ZNF529: variants seen among roughly 807,000 people sequenced by gnomAD.
ZNF529 encodes the protein zinc finger protein 529.
A neutral mutation model predicts 10.1 loss-of-function variants in ZNF529; 11 were observed. That is an observed-to-expected ratio of 1.09 (90% CI 0.69 to 1.81). ZNF529 has a LOEUF of 1.81. Ranked by LOEUF, ZNF529 falls within the 40% of genes most tolerant of loss-of-function variation. The pLI, the probability that ZNF529 is intolerant of heterozygous loss-of-function variation, is 0.00. For missense variants in ZNF529, 624 were observed against 666.8 expected (o/e 0.94, Z 0.71); for synonymous variants, 204 against 215.7 (o/e 0.95, Z 0.47).
chr19:36,563,469 AAGG>A (rs2035788236), intron 2 of ZNF529, among the ~76,000 whole-genome samples: 1 of 152,224 alleles, frequency 6.6e-6, no homozygotes, highest in African/African-American at 2.4e-5. Context: ...GCAAAGCTGC[AAGG>A]AGATTGAGAG....
chr19:36,592,742 T>C (rs1354508389), intron 1 of ZNF529, among the ~76,000 whole-genome samples: 1 of 152,044 alleles, frequency 6.6e-6, no homozygotes, highest in East Asian at 1.9e-4. Context: ...AGCAGTTGGG[T>C]TGGCTGGGAG....
At chr19:36,586,974 C>T (rs1157914384) in intron 2 of ZNF529, among the ~76,000 whole-genome samples, 1 of 152,092 alleles carries the variant, frequency 6.6e-6, no homozygotes, top group Non-Finnish European at 1.5e-5. Flanking sequence ...ATAATAAAAT[C>T]CCATGAGTGG....
Position 36,554,774 on chromosome 19 carries a change from A to G in ZNF529, c.131T>C (p.Val44Ala). The G allele has an allele frequency of 6.4e-7, 1 of 1,571,414 alleles. No individual in the cohort carries two copies. Among genetic ancestry groups the G allele is most frequent in the Non-Finnish European group, 8.6e-7 (1 of 1,157,410 alleles). Residue 44 changes from valine to alanine, a missense_variant, in exon 4 of 5, where the codon GTG becomes GCG. By Grantham distance (64) the Val-to-Ala change is moderately conservative. Coordinates refer to ENST00000591340, the MANE Select transcript of ZNF529 (RefSeq NM_020951.5). ...MDHELVTLRD[V>A]VINFSQEEWE... is the part of the protein sequence containing the mutation. The stretch of plus-strand genomic sequence containing the variant: ...TTCCTCCTGAGAGAAGTTGATGACC[A>G]CATCCCTGAGTGTCACCAGTTCCTG...
chr19:36,565,405 A>G (rs911015393), intron 2 of ZNF529, among the ~76,000 whole-genome samples: 4 of 152,164 alleles, frequency 2.6e-5, no homozygotes, highest in Non-Finnish European at 5.9e-5. Flanking sequence ...AAAGCCATAT[A>G]CAAAAATGAA....
At chr19:36,557,166 G>A (rs780665805) in intron 2 of ZNF529, among the ~76,000 whole-genome samples, 1 of 152,134 alleles carries the variant, frequency 6.6e-6, no homozygotes, top group Non-Finnish European at 1.5e-5. Context: ...AGCTGGGGGT[G>A]GTCAGGGAGA....
At chr19:36,569,574 A>G (rs1302142644) in intron 2 of ZNF529, among the ~76,000 whole-genome samples, 1 of 152,020 alleles carries the variant, frequency 6.6e-6, no homozygotes, top group Non-Finnish European at 1.5e-5. Flanking sequence ...AGACTAGTCT[A>G]GCCAACATGG....
At chr19:36,554,335 T>C (rs796329974) in intron 4 of ZNF529, among the ~76,000 whole-genome samples, 1 of 152,174 alleles carries the variant, frequency 6.6e-6, no homozygotes, top group Admixed American at 6.5e-5. Context: ...TCCCAGCACT[T>C]TGGGAGGCCA....
At chr19:36,561,610 A>G (rs1180307767) in intron 2 of ZNF529, among the ~76,000 whole-genome samples, 2 of 152,212 alleles carry the variant, frequency 1.3e-5, no homozygotes, top group South Asian at 2.1e-4. Flanking sequence ...CCCCTAGGGC[A>G]TTGTCCAGTG....
chr19:36,593,575 A>C (rs1325012511), intron 1 of ZNF529, among the ~76,000 whole-genome samples: 1 of 152,198 alleles, frequency 6.6e-6, no homozygotes, highest in East Asian at 1.9e-4. Context: ...CTGTTCCGAA[A>C]AAAAAGGGCT....
chr19:36,552,887 A>C (rs543650664), intron 4 of ZNF529, among the ~76,000 whole-genome samples: 2 of 152,316 alleles, frequency 1.3e-5, no homozygotes, highest in Admixed American at 6.5e-5. Flanking sequence ...AAGAGACTAG[A>C]CAGGTAAAGA....
upstream of ZNF529, among the ~76,000 whole-genome samples, chr19:36,576,711 C>T (rs1416862981): frequency 2.0e-5 from 3 of 149,076 alleles, no homozygotes; most frequent in Non-Finnish European, 4.5e-5. Flanking sequence ...AGCAAGACTC[C>T]GTCTCAAAAT....
chr19:36,600,641 G>T (rs142003899), intron 1 of ZNF529, among the ~76,000 whole-genome samples: 7 of 152,080 alleles, frequency 4.6e-5, no homozygotes, highest in African/African-American at 1.7e-4. Flanking sequence ...AACATTTTTG[G>T]GTTGTATATA....
At chr19:36,599,527 T>C (rs1302900921) in intron 1 of ZNF529, among the ~76,000 whole-genome samples, 1 of 152,090 alleles carries the variant, frequency 6.6e-6, no homozygotes, top group East Asian at 1.9e-4. Context: ...TGAATCTTTC[T>C]GAAAAAAACA....
rs1261297170 is a variant in ZNF529 at position 36,573,288 on chromosome 19, A to G, written c.-195T>C. On this transcript the variant is annotated 5_prime_UTR_variant, in exon 1 of 5. Coordinates refer to ENST00000591340, the MANE Select transcript of ZNF529 (RefSeq NM_020951.5). ...TCGACTCGCCAGGCTTAACTCAATAACCACAACACCGGAAAAGGAAGCAAA... is the reference window on the plus strand; with the variant it reads ...TCGACTCGCCAGGCTTAACTCAATAGCCACAACACCGGAAAAGGAAGCAAA... The G allele has an allele frequency of 3.0e-6, 1 of 329,902 alleles. No homozygotes were observed. The highest frequency in any genetic ancestry group is 6.3e-6 in the Non-Finnish European group (1 of 158,270). The allele number at this position is 329,902 out of a possible 1,614,324, so 20.4% of individuals were successfully genotyped here.
chr19:36,562,473 G>A (rs191148347), intron 2 of ZNF529, among the ~76,000 whole-genome samples: 1 of 151,868 alleles, frequency 6.6e-6, no homozygotes, highest in Non-Finnish European at 1.5e-5. Flanking sequence ...ATGAATATAG[G>A]GGGGGTCCAG....
chr19:36,602,036 G>T (rs1315523262), intron 1 of ZNF529, among the ~76,000 whole-genome samples: 2 of 143,738 alleles, frequency 1.4e-5, no homozygotes, highest in Non-Finnish European at 3.0e-5. Flanking sequence ...GTGAGCCACT[G>T]CACCTGAACG....
At chr19:36,569,833 AAAG>A (rs565149692) in intron 2 of ZNF529, among the ~76,000 whole-genome samples, 71 of 152,322 alleles carry the variant, frequency 4.7e-4, no homozygotes, top group African/African-American at 1.6e-3. Flanking sequence ...TGCACATTCC[AAAG>A]AAGAAATTGT....
intron 1 of ZNF529, 137 bp from the exon 2 acceptor site, chr19:36,572,529 T>C (rs941737306): frequency 9.2e-6 from 6 of 649,514 alleles, no homozygotes; most frequent in Admixed American, 6.1e-5. Flanking sequence ...TACTGTCGAC[T>C]CCTCCCCACA....
In ZNF529 at chr19:36,548,332, A is replaced by T; in HGVS notation, c.236-10T>A. ...TTCCTGGACTCCAAATCTGAAAGAA[A>T]GGAAAAAATAATTTTCATGTACTAC... is the stretch of plus-strand genomic sequence containing the variant. On this transcript the variant is annotated splice_polypyrimidine_tract_variant and intron_variant, in intron 4 of 4. Transcript: ENST00000591340. The T allele has an allele frequency of 6.6e-7, 1 of 1,505,562 alleles. No homozygotes were observed. Among genetic ancestry groups the T allele is most frequent in the East Asian group, 2.4e-5 (1 of 41,774 alleles). 93.3% of individuals were successfully genotyped at this position (1,505,562 alleles called of 1,614,324 possible). A position where few individuals can be genotyped will look rare whatever the true frequency, so the allele number is the denominator to read the frequency against.
Sources: allele counts gnomAD v4.1 joint callset (sites outside exome capture counted in the v4.1 genomes callset), GRCh38; gene constraint gnomAD v4.1.1; transcripts MANE v1.5; gene names NCBI Gene and HGNC (gene_info 2026-07-23, HGNC 2026-07-21).